The following ERBB4 variants were observed in gnomAD, a reference collection of about 807,000 sequenced individuals.
ERBB4 encodes receptor tyrosine-protein kinase erbB-4.
ERBB4 carries 42 observed loss-of-function variants against 158.0 expected under a neutral mutation model. That is an observed-to-expected ratio of 0.27 (90% confidence interval 0.21 to 0.34). ERBB4 has a LOEUF of 0.34. ERBB4 is among the 10% of genes least tolerant of loss of function. The probability of loss-of-function intolerance (pLI) is 1.00; values close to 1 mark genes in which losing one functional copy is unlikely to be tolerated. For missense variants in ERBB4, 1,333 were observed against 1,624.1 expected (o/e 0.82, Z 3.08); for synonymous variants, 583 against 558.7 (o/e 1.04, Z -0.61).
chr2:211,838,781 C>T (rs79341019), intron 3 of ERBB4, among the ~76,000 whole-genome samples: 4,547 of 152,088 alleles, frequency 0.03, 73 homozygotes, highest in African/African-American at 0.042. Flanking sequence ...GTCTGTGATT[C>T]GGACTAACGG....
At chr2:211,484,341 C>T (rs2065153313) in intron 20 of ERBB4, among the ~76,000 whole-genome samples, 1 of 151,872 alleles carries the variant, frequency 6.6e-6, no homozygotes, top group Non-Finnish European at 1.5e-5. Flanking sequence ...CACTGGAAAA[C>T]AAATAGCAAG....
chr2:212,327,432 C>T (rs2087899853), intron 1 of ERBB4, among the ~76,000 whole-genome samples: 1 of 151,858 alleles, frequency 6.6e-6, no homozygotes, highest in Admixed American at 6.6e-5. Context: ...GACTCTGAGA[C>T]TAAGGATACT....
chr2:212,394,219 T>G (rs868681383), intron 1 of ERBB4, among the ~76,000 whole-genome samples: 1 of 152,092 alleles, frequency 6.6e-6, no homozygotes, highest in East Asian at 1.9e-4. Context: ...GGAAATAAAC[T>G]CTAGGCTAAA....
chr2:211,516,471 T>C (rs776790963), intron 20 of ERBB4, among the ~76,000 whole-genome samples: 3 of 151,872 alleles, frequency 2.0e-5, no homozygotes, highest in Non-Finnish European at 4.4e-5. Flanking sequence ...GTAGCTTGGA[T>C]TATAGGCGTG....
At chr2:211,567,236 A>T (rs1446885288) in intron 19 of ERBB4, among the ~76,000 whole-genome samples, 1 of 152,202 alleles carries the variant, frequency 6.6e-6, no homozygotes, top group East Asian at 1.9e-4. Flanking sequence ...CTGTACTGTT[A>T]CGACAGTAGA....
At chr2:211,813,075 G>C (rs2076796668) in intron 3 of ERBB4, among the ~76,000 whole-genome samples, 1 of 152,194 alleles carries the variant, frequency 6.6e-6, no homozygotes. Flanking sequence ...GTCCCAATGA[G>C]ATGAACCAGG....
chr2:212,397,146 ATATAGT>A (rs1421844230), intron 1 of ERBB4, among the ~76,000 whole-genome samples: 5 of 152,068 alleles, frequency 3.3e-5, no homozygotes, highest in African/African-American at 1.2e-4. Context: ...TTGTCCTGTA[ATATAGT>A]TATAAAATAT....
intron 1 of ERBB4, among the ~76,000 whole-genome samples, chr2:212,339,835 T>TCCCCCCC (rs1282819522): frequency 1.3e-5 from 2 of 152,088 alleles, no homozygotes; most frequent in Non-Finnish European, 2.9e-5. Context: ...ATTATTGTAG[T>TCCCCCCC]CCAGAAAATC....
chr2:211,643,341 A>G (rs976404827), intron 16 of ERBB4, among the ~76,000 whole-genome samples: 1 of 152,122 alleles, frequency 6.6e-6, no homozygotes, highest in Non-Finnish European at 1.5e-5. Flanking sequence ...AAACAGAAAG[A>G]TAATAAAATG....
At chr2:212,289,009 G>A (rs184656110) in intron 1 of ERBB4, among the ~76,000 whole-genome samples, 204 of 152,178 alleles carry the variant, frequency 1.3e-3, no homozygotes, top group Non-Finnish European at 2.1e-3. Flanking sequence ...ACAGAAAGCC[G>A]TGGGCAACCC....
At chr2:212,127,666 C>G (rs1479021568) in intron 1 of ERBB4, among the ~76,000 whole-genome samples, 2 of 151,986 alleles carry the variant, frequency 1.3e-5, no homozygotes, top group Admixed American at 6.6e-5. Flanking sequence ...TACGTGCAAC[C>G]CAAGACAATT....
chr2:211,673,149 T>C lies in ERBB4; in HGVS notation c.1716+15A>G, dbSNP rs771843161. ...ACTAAATAAGCCAACACACCACAGA[T>C]GTCTTCAGGCTTACCGGTCCATGGC... On this transcript the variant is annotated intron_variant, in intron 14 of 27. Transcript: ENST00000342788. 4 of 1,572,404 alleles carry C rather than the reference T, an allele frequency of 2.5e-6. No individual in the cohort carries two copies. The South Asian group carries it at 3.3e-5, about 13-fold the overall frequency.
At chr2:211,812,049 T>C (rs1024613536) in intron 3 of ERBB4, among the ~76,000 whole-genome samples, 1 of 152,260 alleles carries the variant, frequency 6.6e-6, no homozygotes, top group African/African-American at 2.4e-5. Context: ...AGTTATTCTC[T>C]GTCCAGCTTT....
At chr2:211,819,554 T>C (rs1246835661) in intron 3 of ERBB4, among the ~76,000 whole-genome samples, 3 of 152,010 alleles carry the variant, frequency 2.0e-5, no homozygotes, top group Admixed American at 1.3e-4. Flanking sequence ...TAGGAGTATT[T>C]CTGCATCTTT....
intron 2 of ERBB4, among the ~76,000 whole-genome samples, chr2:212,033,487 CAA>C (rs902015858): frequency 6.6e-6 from 1 of 151,344 alleles, no homozygotes; most frequent in African/African-American, 2.4e-5. Flanking sequence ...ATATTAAAAG[CAA>C]AAAAACTTTT....
intron 2 of ERBB4, among the ~76,000 whole-genome samples, chr2:212,041,686 G>T (rs1183520491): frequency 6.6e-6 from 1 of 151,448 alleles, no homozygotes; most frequent in African/African-American, 2.4e-5. Flanking sequence ...AAGGGAAGCA[G>T]AAAAAAACAG....
At position 211,486,511 on chromosome 2, in the gene ERBB4, G is replaced by A. The variant is rs538842978; in HGVS notation, c.2488-55411C>T. ...ATGACAGCTGTAAAATATCTAAGAT[G>A]CAGTAGTTTTCTATTCAAAATATGA... On this transcript the variant is annotated intron_variant, in intron 20 of 27. Coordinates refer to ENST00000342788, the MANE Select transcript of ERBB4 (RefSeq NM_005235.3). Among the ~76,000 whole-genome samples the A allele has an allele frequency of 3.2e-4, 48 of 151,744 alleles. No individual in the cohort carries two copies. The South Asian group carries it at 7.7e-3, about 24-fold the overall frequency.
chr2:212,278,159 G>C (rs1427610812), intron 1 of ERBB4, among the ~76,000 whole-genome samples: 1 of 151,732 alleles, frequency 6.6e-6, no homozygotes, highest in East Asian at 1.9e-4. Flanking sequence ...GGGAAACAAA[G>C]TGGTTTGGTT....
At chr2:212,113,490 T>A (rs7566172) in intron 2 of ERBB4, among the ~76,000 whole-genome samples, 11 of 149,148 alleles carry the variant, frequency 7.4e-5, no homozygotes, top group African/African-American at 2.5e-4. Flanking sequence ...AGGAGAATGG[T>A]GTGAACCCGG....
Sources: allele counts gnomAD v4.1 joint callset (sites outside exome capture counted in the v4.1 genomes callset), GRCh38; gene constraint gnomAD v4.1.1; transcripts MANE v1.5; gene names NCBI Gene and HGNC (gene_info 2026-07-23, HGNC 2026-07-21).